Variants in SF3B4 observed in about 807,000 individuals in gnomAD.
SF3B4 encodes the protein SAP 49.
A neutral mutation model predicts 34.3 loss-of-function variants in SF3B4; 3 were observed. The observed-to-expected ratio is 0.09, with a 90% CI of 0.04 to 0.23. The LOEUF is 0.23. SF3B4 is among the 10% of genes least tolerant of loss of function. The pLI is 1.00. For synonymous variants in SF3B4, 216 were observed against 207.8 expected (o/e 1.04, Z -0.34); for missense variants, 283 against 567.2 (o/e 0.50, Z 5.09).
In SF3B4 at chr1:149,923,501, A is replaced by C. The variant is rs782271419; in HGVS notation, c.*41T>G. The C allele has an allele frequency of 6.1e-5, 91 of 1,502,664 alleles. No individual in the cohort carries two copies. The highest frequency in any genetic ancestry group is 8.0e-5 in the Non-Finnish European group (89 of 1,114,106). 93.1% of individuals were successfully genotyped at this position (1,502,664 alleles called of 1,614,324 possible). On this transcript the variant is annotated 3_prime_UTR_variant, in exon 6 of 6. Coordinates refer to ENST00000271628, the MANE Select transcript of SF3B4 (RefSeq NM_005850.5). ...CTCTGATTGGTCCAAGGAATAGAAA[A>C]GATATTGGGAAAATGTAACAGGAGG... is the stretch of plus-strand genomic sequence containing the variant.
intron 4 of SF3B4, among the ~76,000 whole-genome samples, chr1:149,924,651 G>A (rs2101644005): frequency 6.6e-6 from 1 of 152,172 alleles, no homozygotes; most frequent in African/African-American, 2.4e-5. Context: ...AAGTAGCAGA[G>A]GACATAACTG....
At chr1:149,927,591 A>G in intron 1 of SF3B4, 135 bp downstream of exon 1, 2 of 1,198,350 alleles carry the variant, frequency 1.7e-6, no homozygotes, top group Non-Finnish European at 2.4e-6. Flanking sequence ...CCCGCCCCCA[A>G]CAGGCAGAGG....
intron 4 of SF3B4, 139 bp from the exon 5 acceptor site, chr1:149,924,153 G>A (rs2092573937): frequency 1.3e-6 from 1 of 749,004 alleles, no homozygotes; most frequent in Non-Finnish European, 2.1e-6. Context: ...TAGAAAATAA[G>A]GCTGGCTGGG....
Position 149,925,921 on chromosome 1 carries a change from T to C in SF3B4, c.828A>G (p.Pro276=), listed in dbSNP as rs782456415. 2.5e-6 allele frequency: 4 copies of C among 1,581,512 alleles called. No individual in the cohort carries two copies. The South Asian group carries it at 3.5e-5, about 14-fold the overall frequency. The change falls in exon 4 of 6, where the codon CCA becomes CCG. Residue 276 remains proline, a synonymous_variant. Transcript: ENST00000271628. ...MPPGAAGHGP[P]SAGTPGAGHP... ...GTCCTGCCCCTGGGGTTCCTGCCGA[T>C]GGGGGGCCATGTCCTGCAGCCCCAG...
chr1:149,927,740 G>A lies in SF3B4; in HGVS notation c.20C>T (p.Ser7Phe). 1 of 1,553,624 alleles carries A rather than the reference G, an allele frequency of 6.4e-7. No individual in the cohort carries two copies. Among genetic ancestry groups the A allele is most frequent in the Non-Finnish European group, 8.7e-7 (1 of 1,148,052 alleles). The change falls in exon 1 of 6, where the codon TCC (serine) becomes TTC (phenylalanine). Residue 7 changes from serine (S) to phenylalanine (F), a missense_variant. This residue lies in a region of SF3B4 where 39 missense variants were observed against 127.3 expected (regional missense o/e 0.31). Coordinates refer to ENST00000271628, the MANE Select transcript of SF3B4 (RefSeq NM_005850.5). ...CCTCCAGTTACCCTGATTCCGCTCG[G>A]AGATCGGCCCGGCAGCCATGGCGAA... The part of the protein sequence containing the change: MAAGPI[S>F]ERNQDATVYV...
chr1:149,925,955 G>C lies in SF3B4; in HGVS notation c.794C>G (p.Pro265Arg). ...ATGTCCTGCAGCCCCAGGAGGCATA[G>C]GTGGTGGGGGCATGGCTGGGGGTAT... ...PGIPPAMPPPPMPPGAAGHGP... is the reference protein window; with the variant it reads ...PGIPPAMPPPRMPPGAAGHGP... Residue 265 changes from proline (P) to arginine (R), a missense_variant, in exon 4 of 6, where the codon CCT (proline) becomes CGT (arginine). Physicochemically the swap from Pro to Arg is moderately radical, Grantham distance 103. This residue lies in a region of SF3B4 where 208 missense variants were observed against 292.6 expected (regional missense o/e 0.71). Transcript: ENST00000271628. 1 of 1,534,432 alleles carries C rather than the reference G, an allele frequency of 6.5e-7. No individual in the cohort carries two copies. The highest frequency in any genetic ancestry group is 8.8e-7 in the Non-Finnish European group (1 of 1,136,074).
chr1:149,926,122 C>G lies in SF3B4; in HGVS notation c.707-80G>C. 3 of 755,776 alleles carry G rather than the reference C, an allele frequency of 4.0e-6. No individual in the cohort carries two copies. Among genetic ancestry groups the G allele is most frequent in the East Asian group, 5.4e-5 (2 of 36,818 alleles). 46.8% of individuals were successfully genotyped at this position (755,776 alleles called of 1,614,324 possible). Reference sequence around the variant, plus strand: ...TAAAGAGCCTGTCCTGATCTGGCCTCTCCAGGCAGGGTGAGCTCTTTCCCC... The same window carrying G: ...TAAAGAGCCTGTCCTGATCTGGCCTGTCCAGGCAGGGTGAGCTCTTTCCCC... On this transcript the variant is annotated intron_variant, in intron 3 of 5. Transcript: ENST00000271628. This position sits in a 1 kb window ranked among gnomAD's most constrained non-coding sequence, Gnocchi z 6.2.
rs1553765607 is a variant in SF3B4 at position 149,923,638 on chromosome 1, G to C, written c.1179C>G (p.Pro393=). 1 of 1,530,546 alleles carries C rather than the reference G, an allele frequency of 6.5e-7. No individual in the cohort carries two copies. The highest frequency in any genetic ancestry group is 1.7e-4 in the Middle Eastern group (1 of 5,802). 94.8% of individuals were successfully genotyped at this position (1,530,546 alleles called of 1,614,324 possible). The change falls in exon 6 of 6, where the codon CCC becomes CCG. Residue 393 remains proline (P), a synonymous_variant. Transcript: ENST00000271628. Reference sequence around the variant, plus strand: ...GGAGAGGCCCCCGCTGGTAGCCATAGGGTGGGGGTCGTGGAGGGCCAGTGT... The same window carrying C: ...GGAGAGGCCCCCGCTGGTAGCCATACGGTGGGGGTCGTGGAGGGCCAGTGT... The part of the protein sequence containing the change: ...HGYTGPPRPP[P]YGYQRGPLPP...
At chr1:149,924,069 A>C in intron 4 of SF3B4, 55 bp from the exon 5 acceptor site, 2 of 1,405,330 alleles carry the variant, frequency 1.4e-6, no homozygotes. Flanking sequence ...GGAGGCAAAG[A>C]AAATAGAGAA....
At chr1:149,927,631 G>A (rs1323426772) in intron 1 of SF3B4, 95 bp downstream of exon 1, 4 of 1,463,138 alleles carry the variant, frequency 2.7e-6, no homozygotes, top group Non-Finnish European at 3.7e-6. Flanking sequence ...GGGAAGGGAG[G>A]AGTCCAGTCT....
chr1:149,924,072 A>G (rs2101643232), intron 4 of SF3B4, 58 bp from the exon 5 acceptor site: 1 of 1,397,362 alleles, frequency 7.2e-7, no homozygotes, highest in Non-Finnish European at 9.6e-7. Context: ...GGCAAAGAAA[A>G]TAGAGAAAGG....
Position 149,925,822 on chromosome 1 carries a change from C to G in SF3B4, c.913+14G>C. ...CCAAGCTCTTCCCTCCCTTTCCCAA[C>G]AAAGCACACCTACCTGGATGGGGCA... On this transcript the variant is annotated intron_variant, in intron 4 of 5. Coordinates refer to ENST00000271628, the MANE Select transcript of SF3B4 (RefSeq NM_005850.5). 6.2e-7 allele frequency: 1 copy of G among 1,610,466 alleles called. No individual in the cohort carries two copies. The highest frequency in any genetic ancestry group is 8.5e-7 in the Non-Finnish European group (1 of 1,176,644).
In SF3B4 at chr1:149,924,111, A is replaced by G. The variant is rs374634998; in HGVS notation, c.914-97T>C. 37 of 1,051,082 alleles carry G rather than the reference A, an allele frequency of 3.5e-5. No homozygotes were observed. The South Asian group carries it at 3.7e-4, about 11-fold the overall frequency. The allele number at this position is 1,051,082 out of a possible 1,614,324, so 65.1% of individuals were successfully genotyped here. On this transcript the variant is annotated intron_variant, in intron 4 of 5. Transcript: ENST00000271628. ...AAAACAAAATTAGAAAGAAAGTGAC[A>G]TCAGAAAGAGAACTATATAGAAAAA...
rs587714733 is a variant in SF3B4 at position 149,926,990 on chromosome 1, C to T, written c.164-72G>A. 7.7e-5 allele frequency: 113 copies of T among 1,475,780 alleles called. No homozygotes were observed. In the East Asian group the frequency reaches 1.4e-3, roughly 18 times the overall value. 91.4% of individuals were successfully genotyped at this position (1,475,780 alleles called of 1,614,324 possible). A position where few individuals can be genotyped will look rare whatever the true frequency, so the allele number is the denominator to read the frequency against. On this transcript the variant is annotated intron_variant, in intron 2 of 5. Coordinates refer to ENST00000271628, the MANE Select transcript of SF3B4 (RefSeq NM_005850.5). This position sits in a 1 kb window ranked among gnomAD's most constrained non-coding sequence, Gnocchi z 6.2. ...GAAAATGGGGTAAAATTCATCTACC[C>T]TCTAATCACAAAGAACAAGAAAGAA...
intron 2 of SF3B4, 108 bp from the exon 3 acceptor site, chr1:149,927,026 T>G: frequency 4.8e-6 from 7 of 1,456,682 alleles, no homozygotes; most frequent in Non-Finnish European, 6.5e-6. Flanking sequence ...ACAACATCAC[T>G]TTACTTAAGA....
Position 149,923,331 on chromosome 1 carries a change from AGTTTT to A in SF3B4, c.*206_*210del, listed in dbSNP as rs1400733491. ...AACACCACAAATAAACAAGGAGTTT[AGTTTT>A]ATTTTCTCTGTGCATTTGCAAAATA... On this transcript the variant is annotated 3_prime_UTR_variant, in exon 6 of 6. Transcript: ENST00000271628. 13 of 502,670 alleles carry A rather than the reference AGTTTT, an allele frequency of 2.6e-5. No individual in the cohort carries two copies. Among genetic ancestry groups the A allele is most frequent in the South Asian group, 1.0e-4 (3 of 29,836 alleles). 31.1% of individuals were successfully genotyped at this position (502,670 alleles called of 1,614,324 possible). A position where few individuals can be genotyped will look rare whatever the true frequency, so the allele number is the denominator to read the frequency against.
chr1:149,925,596 T>C (rs2092584738), intron 4 of SF3B4: 4 of 525,656 alleles, frequency 7.6e-6, no homozygotes, highest in Non-Finnish European at 1.4e-5. Flanking sequence ...GAGAAGAGAA[T>C]GGAACTAAAG....
intron 4 of SF3B4, among the ~76,000 whole-genome samples, chr1:149,924,975 G>T (rs587751770): frequency 6.8e-4 from 104 of 152,320 alleles, no homozygotes; most frequent in African/African-American, 2.5e-3. Context: ...CCTACACTGT[G>T]AAAGTAGATC....
rs782267206 is a variant in SF3B4, at chr1:149,925,996, T to A, written c.753A>T (p.Gly251=). Residue 251 remains glycine (G), a synonymous_variant, in exon 4 of 6, where the codon GGA becomes GGT. Transcript: ENST00000271628. ...CTGGGGGTATCCCAGGTGGGAGGGC[T>A]CCAGGAGGTGGCACTGGGGGTGGGA... ...GSFPPPVPPP[G]ALPPGIPPAM... 19 of 1,505,324 alleles carry A rather than the reference T, an allele frequency of 1.3e-5. No homozygotes were observed. Among genetic ancestry groups the A allele is most frequent in the Non-Finnish European group, 1.6e-5 (18 of 1,125,250 alleles). The allele number at this position is 1,505,324 out of a possible 1,614,324, so 93.2% of individuals were successfully genotyped here. A position where few individuals can be genotyped will look rare whatever the true frequency, so the allele number is the denominator to read the frequency against.
Sources: allele counts gnomAD v4.1 joint callset (sites outside exome capture counted in the v4.1 genomes callset), GRCh38; gene constraint gnomAD v4.1.1; regional missense constraint gnomAD v4.1.1; non-coding constraint Gnocchi (gnomAD v3.1); transcripts MANE v1.5; gene names NCBI Gene and HGNC (gene_info 2026-07-23, HGNC 2026-07-21).